STPG2: variants seen among roughly 807,000 people sequenced by gnomAD.
STPG2 encodes sperm-tail PG-rich repeat-containing protein 2.
In STPG2, 56 loss-of-function variants were observed where a neutral mutation model predicts 54.2. That is an observed-to-expected ratio of 1.03 (90% CI 0.83 to 1.29). The LOEUF is 1.29. Among genes scored for constraint, STPG2 ranks in the 50% most tolerant of loss-of-function variants. STPG2 has a pLI of 0.00. For missense variants in STPG2, 596 were observed against 544.9 expected (o/e 1.09, Z -0.93); for synonymous variants, 200 against 181.8 (o/e 1.10, Z -0.81).
chr4:97,495,037 C>T (rs989456527), intron 4 of STPG2, among the ~76,000 whole-genome samples: 1 of 151,468 alleles, frequency 6.6e-6, no homozygotes, highest in African/African-American at 2.4e-5. Context: ...TCCCATTAAT[C>T]TCTATAACAT....
In STPG2 at chr4:98,011,003, G is replaced by A. The variant is rs532085730; in HGVS notation, c.613-29685C>T. ...AAGTTCTGGGATACATGTGCAGAACGTGCAGGTTTGATACATGCCTTAGTG... is the reference window on the plus strand; with the variant it reads ...AAGTTCTGGGATACATGTGCAGAACATGCAGGTTTGATACATGCCTTAGTG... On this transcript the variant is annotated intron_variant, in intron 5 of 10. Coordinates refer to ENST00000295268, the MANE Select transcript of STPG2 (RefSeq NM_174952.3). Among the ~76,000 whole-genome samples, 28 of 152,084 alleles carry A rather than the reference G, an allele frequency of 1.8e-4. No homozygotes were observed. In the South Asian group the frequency reaches 2.7e-3, roughly 15 times the overall value.
intron 3 of STPG2, among the ~76,000 whole-genome samples, chr4:98,112,739 G>A (rs1182714368): frequency 6.6e-6 from 1 of 152,086 alleles, no homozygotes; most frequent in East Asian, 1.9e-4. Flanking sequence ...TGAGAAGAGA[G>A]AAACAAGAAG....
chr4:97,644,841 G>C (rs150968655), intron 10 of STPG2, among the ~76,000 whole-genome samples: 1 of 152,016 alleles, frequency 6.6e-6, no homozygotes, highest in East Asian at 1.9e-4. Flanking sequence ...GGTCAAGATA[G>C]GTAAAGTTAC....
chr4:97,519,993 T>C (rs1217769858), intron 4 of STPG2, among the ~76,000 whole-genome samples: 1 of 152,086 alleles, frequency 6.6e-6, no homozygotes, highest in Non-Finnish European at 1.5e-5. Context: ...TCAGTGTCCT[T>C]ATCTGTAAAA....
At chr4:97,877,535 G>C (rs1730223422) in intron 8 of STPG2, among the ~76,000 whole-genome samples, 1 of 152,128 alleles carries the variant, frequency 6.6e-6, no homozygotes, top group Non-Finnish European at 1.5e-5. Context: ...CATGGTGGCA[G>C]ACAAGAGAAA....
intron 9 of STPG2, among the ~76,000 whole-genome samples, chr4:97,727,291 T>C (rs546231402): frequency 6.6e-6 from 1 of 151,938 alleles, no homozygotes; most frequent in Non-Finnish European, 1.5e-5. Context: ...CTAATATTTA[T>C]TTTCCTTAAT....
intron 10 of STPG2, among the ~76,000 whole-genome samples, chr4:97,693,234 A>G (rs1723436326): frequency 6.6e-6 from 1 of 152,164 alleles, no homozygotes; most frequent in African/African-American, 2.4e-5. Context: ...AATGGCCTAA[A>G]TGCTCCACTT....
At chr4:97,875,742 T>G (rs939423095) in intron 8 of STPG2, among the ~76,000 whole-genome samples, 21 of 151,940 alleles carry the variant, frequency 1.4e-4, no homozygotes. Flanking sequence ...TATTAAGAAC[T>G]TATAAAACAA....
chr4:97,824,059 G>A lies in STPG2; in HGVS notation c.1204+16714C>T, dbSNP rs145532689. On this transcript the variant is annotated intron_variant, in intron 9 of 10. Coordinates refer to ENST00000295268, the MANE Select transcript of STPG2 (RefSeq NM_174952.3). ...AATCTGTCTTTCACTCTTTGCTGAC[G>A]GCTATGGGTGGCAGAATTAGGCATG... Among the ~76,000 whole-genome samples the A allele has an allele frequency of 4.9e-3, 752 of 152,232 alleles. 4 individuals are homozygous for A. The highest frequency in any genetic ancestry group is 0.011 in the Admixed American group (161 of 15,276).
At chr4:97,961,974 A>G (rs1834646) in intron 7 of STPG2, among the ~76,000 whole-genome samples, 19,410 of 152,192 alleles carry the variant, frequency 0.13, 1,904 homozygotes, top group African/African-American at 0.26. Flanking sequence ...CCATCAATCA[A>G]TGAGTGGATA....
chr4:97,650,684 C>A (rs886823970), intron 10 of STPG2, among the ~76,000 whole-genome samples: 2 of 152,022 alleles, frequency 1.3e-5, no homozygotes, highest in Admixed American at 1.3e-4. Context: ...CCTATTCAGA[C>A]CTTTAAAAGG....
intron 4 of STPG2, among the ~76,000 whole-genome samples, chr4:97,509,860 C>T (rs1437254244): frequency 6.6e-6 from 1 of 151,898 alleles, no homozygotes; most frequent in African/African-American, 2.4e-5. Context: ...AATTAATTTT[C>T]AAAAATTTAA....
chr4:97,621,750 G>A lies in STPG2; in HGVS notation c.1321-62633C>T, dbSNP rs557967698. The stretch of plus-strand genomic sequence containing the variant: ...TAAAACAATGCCAAAAATTTAAGAA[G>A]GAGGGACTCCTCTCTAACTCATTCT... On this transcript the variant is annotated intron_variant, in intron 10 of 10. Coordinates refer to ENST00000295268, the MANE Select transcript of STPG2 (RefSeq NM_174952.3). Among the ~76,000 whole-genome samples the A allele has an allele frequency of 1.6e-4, 25 of 152,228 alleles. No individual in the cohort carries two copies. The South Asian group carries it at 5.0e-3, about 30-fold the overall frequency.
At chr4:97,868,670 C>T (rs1178201530) in intron 8 of STPG2, among the ~76,000 whole-genome samples, 1 of 151,810 alleles carries the variant, frequency 6.6e-6, no homozygotes, top group Non-Finnish European at 1.5e-5. Context: ...TGTGCCGTCT[C>T]ATTTACAACT....
chr4:98,008,522 TATAAATAGTTTTATAAAA>T (rs1735643028), intron 5 of STPG2, among the ~76,000 whole-genome samples: 3 of 6,880 alleles, frequency 4.4e-4, no homozygotes, highest in African/African-American at 1.1e-3. Context: ...TCACAGGTTT[TATAAATAGTTTTATAAAA>T]ACTCACAGGT....
At chr4:97,814,731 A>G (rs1023516876) in intron 9 of STPG2, among the ~76,000 whole-genome samples, 3 of 152,126 alleles carry the variant, frequency 2.0e-5, no homozygotes, top group Non-Finnish European at 2.9e-5. Context: ...AGGATATAAA[A>G]CAGGCAGAAA....
chr4:98,068,468 G>A (rs191493593), intron 5 of STPG2, among the ~76,000 whole-genome samples: 3 of 152,158 alleles, frequency 2.0e-5, no homozygotes, highest in Admixed American at 1.3e-4. Flanking sequence ...TTAAATATCT[G>A]TTGAATAAAT....
intron 3 of STPG2, among the ~76,000 whole-genome samples, chr4:98,119,005 A>G (rs1274909498): frequency 6.6e-6 from 1 of 152,192 alleles, no homozygotes; most frequent in Non-Finnish European, 1.5e-5. Context: ...AGGTTAAAAA[A>G]TAGAGTTAGA....
chr4:97,711,637 T>C (rs1165447253), intron 10 of STPG2, among the ~76,000 whole-genome samples: 1 of 151,958 alleles, frequency 6.6e-6, no homozygotes, highest in Non-Finnish European at 1.5e-5. Context: ...TGAAAAGTAT[T>C]TAGATTGTGA....
Sources: gnomAD v4.1 joint callset for allele counts (sites outside exome capture counted in the v4.1 genomes callset) on GRCh38, gnomAD v4.1.1 for gene constraint, MANE v1.5 for transcripts, NCBI Gene and HGNC (gene_info 2026-07-23, HGNC 2026-07-21) for gene names.